EPB41L3: variants seen among roughly 807,000 people sequenced by gnomAD.
EPB41L3 encodes erythrocyte membrane protein band 4.1 like 3.
Under a neutral mutation model 127.1 loss-of-function variants are expected in EPB41L3, and 57 were observed. The observed-to-expected ratio is 0.45, with a 90% CI of 0.36 to 0.56. The LOEUF (loss-of-function observed/expected upper bound fraction) is 0.56, where lower values mean the gene tolerates loss of function less well. Ranked by LOEUF, EPB41L3 falls within the 20% of genes least tolerant of loss-of-function variation. EPB41L3 has a pLI of 0.00. For missense variants in EPB41L3, 1,273 were observed against 1,372.2 expected, an observed-to-expected ratio of 0.93 and a Z score of 1.14; for synonymous variants, 572 against 549.5, an observed-to-expected ratio of 1.04 and a Z score of -0.57.
In EPB41L3 at chr18:5,397,278, G is replaced by T. The variant is rs750816947; in HGVS notation, c.2621C>A (p.Ala874Glu). The T allele has an allele frequency of 1.9e-6, 3 of 1,613,864 alleles. No individual in the cohort carries two copies. The highest frequency in any genetic ancestry group is 2.2e-5 in the South Asian group (2 of 91,064). ...TGCTGCAGCATCCCCGCTGTCTCCCGCCGAGTAAGAAGCATCCCCACTCGC... is the reference window on the plus strand; with the variant it reads ...TGCTGCAGCATCCCCGCTGTCTCCCTCCGAGTAAGAAGCATCCCCACTCGC... ...VHASGDASYSAGDSGDAAAQP... is the reference protein window; with the variant it reads ...VHASGDASYSEGDSGDAAAQP... Residue 874 changes from alanine (A) to glutamate (E), a missense_variant, in exon 18 of 23, where the codon GCG (alanine) becomes GAG (glutamate). Coordinates refer to ENST00000341928, the MANE Select transcript of EPB41L3 (RefSeq NM_012307.5). The surrounding 1 kb of genome is among the most constrained non-coding windows in gnomAD (Gnocchi z 4.1).
chr18:5,568,427 T>TTAA (rs756172219), intron 3 of EPB41L3, among the ~76,000 whole-genome samples: 1 of 109,304 alleles, frequency 9.1e-6, no homozygotes, highest in East Asian at 2.6e-4. Context: ...CTCTGGATAG[T>TTAA]AAAAAAAAAA....
intron 1 of EPB41L3, among the ~76,000 whole-genome samples, chr18:5,515,492 C>T (rs1314704852): frequency 6.6e-6 from 1 of 152,138 alleles, no homozygotes; most frequent in Non-Finnish European, 1.5e-5. Context: ...CTAGAAACTT[C>T]CTGATTCAGA....
chr18:5,508,484 G>C (rs2092340107), intron 1 of EPB41L3, among the ~76,000 whole-genome samples: 1 of 152,058 alleles, frequency 6.6e-6, no homozygotes, highest in Non-Finnish European at 1.5e-5. Context: ...AATCTAGTAA[G>C]AGGCTGGACA....
At chr18:5,412,943 A>G (rs1433416043) in intron 13 of EPB41L3, among the ~76,000 whole-genome samples, 1 of 152,050 alleles carries the variant, frequency 6.6e-6, no homozygotes, top group Admixed American at 6.6e-5. Flanking sequence ...ATACACAAAT[A>G]GCATAGTCCA....
At chr18:5,465,896 T>C (rs1442638952) in intron 3 of EPB41L3, among the ~76,000 whole-genome samples, 1 of 152,004 alleles carries the variant, frequency 6.6e-6, no homozygotes, top group Non-Finnish European at 1.5e-5. Flanking sequence ...ACTGTTAGGG[T>C]ATCTACATTC....
At chr18:5,528,345 TA>T (rs1372018161) in intron 1 of EPB41L3, among the ~76,000 whole-genome samples, 6 of 151,950 alleles carry the variant, frequency 3.9e-5, no homozygotes, top group African/African-American at 1.4e-4. Context: ...CTAATTTTTT[TA>T]AAAAATTTTT....
At chr18:5,596,728 T>G (rs975304060) in intron 3 of EPB41L3, among the ~76,000 whole-genome samples, 1 of 152,218 alleles carries the variant, frequency 6.6e-6, no homozygotes, top group Non-Finnish European at 1.5e-5. Context: ...GGCAGTTTTA[T>G]TCCTGTGGCT....
At chr18:5,519,141 A>C (rs2092879687) in intron 1 of EPB41L3, among the ~76,000 whole-genome samples, 1 of 152,226 alleles carries the variant, frequency 6.6e-6, no homozygotes, top group South Asian at 2.1e-4. Context: ...GACGAGTGAA[A>C]CAACAACAAA....
intron 3 of EPB41L3, chr18:5,567,179 C>G (rs1474874004): frequency 6.6e-6 from 1 of 152,254 alleles, no homozygotes; most frequent in Non-Finnish European, 1.5e-5. Context: ...GTATCTGCAG[C>G]CTTTCTTTTC....
chr18:5,522,156 T>G (rs1311433720), intron 1 of EPB41L3, among the ~76,000 whole-genome samples: 2 of 152,158 alleles, frequency 1.3e-5, no homozygotes, highest in Non-Finnish European at 2.9e-5. Flanking sequence ...CAGGTTGGAG[T>G]GCAGTGATGC....
chr18:5,399,550 C>A (rs2074145362), intron 16 of EPB41L3: 3 of 395,916 alleles, frequency 7.6e-6, no homozygotes, highest in Non-Finnish European at 1.3e-5. Flanking sequence ...CTCTTCTCCT[C>A]TGAAATGATA....
chr18:5,606,825 A>C (rs551754937), intron 3 of EPB41L3, among the ~76,000 whole-genome samples: 1 of 152,182 alleles, frequency 6.6e-6, no homozygotes, highest in South Asian at 2.1e-4. Context: ...GAAATGGGAT[A>C]AATAAGCAAG....
At chr18:5,404,335 G>A (rs891252264) in intron 16 of EPB41L3, among the ~76,000 whole-genome samples, 3 of 152,140 alleles carry the variant, frequency 2.0e-5, no homozygotes, top group African/African-American at 7.2e-5. Flanking sequence ...GAGCACTGAG[G>A]GACTACAAAA....
At chr18:5,475,265 T>C (rs1173334871) in intron 3 of EPB41L3, among the ~76,000 whole-genome samples, 1 of 152,228 alleles carries the variant, frequency 6.6e-6, no homozygotes, top group Non-Finnish European at 1.5e-5. Context: ...AGTGTTCAAA[T>C]AAATTAGTTG....
At chr18:5,595,090 A>C (rs1024063889) in intron 3 of EPB41L3, among the ~76,000 whole-genome samples, 2 of 152,162 alleles carry the variant, frequency 1.3e-5, no homozygotes, top group Non-Finnish European at 2.9e-5. Context: ...TTGAAGTAAA[A>C]ATATAGCTCA....
chr18:5,451,932 G>A (rs552414830), intron 3 of EPB41L3, among the ~76,000 whole-genome samples: 5 of 152,210 alleles, frequency 3.3e-5, no homozygotes, highest in Non-Finnish European at 5.9e-5. Flanking sequence ...TCTGCCTCCC[G>A]GGTCCAAGTG....
intron 3 of EPB41L3, among the ~76,000 whole-genome samples, chr18:5,452,136 G>A (rs1186519082): frequency 3.3e-5 from 5 of 152,218 alleles, no homozygotes; most frequent in Middle Eastern, 3.4e-3. Context: ...GAGCCACCAC[G>A]CCTGGCTGAC....
intron 16 of EPB41L3, 62 bp from the exon 17 acceptor site, chr18:5,398,205 A>T (rs2073909815): frequency 6.3e-7 from 1 of 1,594,370 alleles, no homozygotes; most frequent in Admixed American, 1.7e-5. Context: ...AGGCACATAA[A>T]CATTCACAGC....
At chr18:5,620,790 A>G (rs573225136) in intron 1 of EPB41L3, among the ~76,000 whole-genome samples, 2 of 152,272 alleles carry the variant, frequency 1.3e-5, no homozygotes, top group South Asian at 4.1e-4. Context: ...AACCCAGGTA[A>G]AGAGAAAAGG....
Sources: allele counts gnomAD v4.1 joint callset (sites outside exome capture counted in the v4.1 genomes callset), GRCh38; gene constraint gnomAD v4.1.1; non-coding constraint Gnocchi (gnomAD v3.1); transcripts MANE v1.5; gene names NCBI Gene and HGNC (gene_info 2026-07-23, HGNC 2026-07-21).